Variants in STK26 observed in about 807,000 individuals in gnomAD.
STK26 encodes the protein serine/threonine kinase 26.
Under a neutral mutation model 34.7 loss-of-function variants are expected in STK26, and 14 were observed. The observed-to-expected ratio is 0.40, with a 90% CI of 0.27 to 0.63. The LOEUF is 0.63. Among genes scored for constraint, STK26 ranks in the 30% least tolerant of loss-of-function variants. The pLI is 0.38. For synonymous variants in STK26, 100 were observed against 109.8 expected, an observed-to-expected ratio of 0.91 and a Z score of 0.56; for missense variants, 226 against 309.1, an observed-to-expected ratio of 0.73 and a Z score of 2.02.
chrX:132,032,990 C>T (rs1012000286), intron 2 of STK26, among the ~76,000 whole-genome samples: 1 of 111,227 alleles, frequency 9.0e-6, no homozygotes, highest in Non-Finnish European at 1.9e-5. Flanking sequence ...CTTTTTAACC[C>T]TTCTTCCCAC....
rs755403402 is a variant in STK26, at chrX:132,037,769, C to CTTTTTTTTTTTT, written c.42+14122_42+14133dup. On this transcript the variant is annotated intron_variant, in intron 2 of 11. Coordinates refer to ENST00000394334, the MANE Select transcript of STK26 (RefSeq NM_016542.4). ...ACAAAGTCTTGTAACCGGAGAGCTG[C>CTTTTTTTTTTTT]TTTTTTTTTTTTTTTTTTTTTTTAA... Among the ~76,000 whole-genome samples, 122 of 51,836 alleles carry CTTTTTTTTTTTT rather than the reference C, an allele frequency of 2.4e-3. 5 individuals carry two copies. The highest frequency in any genetic ancestry group is 0.01 in the African/African-American group (114 of 11,356). The allele number at this position is 51,836 out of a possible 115,157, so 45.0% of individuals were successfully genotyped here.
At chrX:132,055,665 G>T (rs750720436) in intron 3 of STK26, 29 of 494,421 alleles carry the variant, frequency 5.9e-5, no homozygotes, top group Non-Finnish European at 8.7e-5. Flanking sequence ...AATTAAAATT[G>T]TTTATCCTTG....
At chrX:132,053,528 A>G (rs750014497) in intron 2 of STK26, among the ~76,000 whole-genome samples, 17 of 111,983 alleles carry the variant, frequency 1.5e-4, no homozygotes, top group East Asian at 1.4e-3. Context: ...GATAAAAGGG[A>G]CATGCTAACT....
intron 2 of STK26, among the ~76,000 whole-genome samples, chrX:132,037,875 A>G (rs1475938066): frequency 1.9e-5 from 2 of 107,062 alleles, no homozygotes; most frequent in African/African-American, 6.9e-5. Context: ...AAGGGCACAC[A>G]AAATGAAAAC....
At chrX:132,031,967 G>C (rs1231803746) in intron 2 of STK26, among the ~76,000 whole-genome samples, 2 of 111,165 alleles carry the variant, frequency 1.8e-5, no homozygotes, top group Non-Finnish European at 3.8e-5. Context: ...ATATGACTTA[G>C]GAAAATCACC....
intron 2 of STK26, among the ~76,000 whole-genome samples, chrX:132,040,143 A>G (rs1926208338): frequency 8.9e-6 from 1 of 112,587 alleles, no homozygotes; most frequent in Admixed American, 9.4e-5. Context: ...GATGTGACAG[A>G]GACTCAGAGA....
At chrX:132,051,736 A>G (rs1480463642) in intron 2 of STK26, among the ~76,000 whole-genome samples, 3 of 110,084 alleles carry the variant, frequency 2.7e-5, no homozygotes, top group Non-Finnish European at 5.7e-5. Context: ...TGCTAATACT[A>G]TCCCCCCCAA....
intron 3 of STK26, 105 bp downstream of exon 3, chrX:132,054,966 A>G: frequency 2.8e-6 from 2 of 705,242 alleles, no homozygotes; most frequent in Non-Finnish European, 4.1e-6. Context: ...TTGGCAGTCT[A>G]TGGCTTCCAG....
chrX:132,037,763 G>T (rs1926105978), intron 2 of STK26, among the ~76,000 whole-genome samples: 1 of 75,325 alleles, frequency 1.3e-5, no homozygotes, highest in South Asian at 5.8e-4. Flanking sequence ...TGTAACCGGA[G>T]AGCTGCTTTT....
intron 2 of STK26, among the ~76,000 whole-genome samples, chrX:132,029,874 C>G (rs1303718505): frequency 9.0e-6 from 1 of 111,398 alleles, no homozygotes; most frequent in Non-Finnish European, 1.9e-5. Flanking sequence ...CTTAGATTTT[C>G]TCTAATTATA....
intron 2 of STK26, among the ~76,000 whole-genome samples, chrX:132,026,024 C>T (rs1224504232): frequency 9.0e-6 from 1 of 111,357 alleles, no homozygotes; most frequent in African/African-American, 3.3e-5. Context: ...GTGAGGTAGC[C>T]GACCAGCCTA....
At chrX:132,061,069 C>T (rs1350804913) in intron 3 of STK26, among the ~76,000 whole-genome samples, 1 of 112,206 alleles carries the variant, frequency 8.9e-6, no homozygotes, top group Non-Finnish European at 1.9e-5. Context: ...TGGCAAGTTT[C>T]TGTTTTGAAT....
At chrX:132,043,515 A>G (rs773010010) in intron 2 of STK26, among the ~76,000 whole-genome samples, 1 of 111,664 alleles carries the variant, frequency 9.0e-6, no homozygotes, top group African/African-American at 3.3e-5. Context: ...CTTGTTATCA[A>G]TCCCAGGCCA....
intron 2 of STK26, among the ~76,000 whole-genome samples, chrX:132,052,594 A>G (rs759867041): frequency 1.8e-5 from 2 of 112,185 alleles, no homozygotes; most frequent in East Asian, 5.6e-4. Flanking sequence ...TTTGATTTAC[A>G]TATTTGCAAG....
Position 132,075,384 on chromosome X carries a change from T to A in STK26, c.*1225T>A, listed in dbSNP as rs1191618672. 1 of 111,641 alleles carries A rather than the reference T, an allele frequency of 9.0e-6. No homozygotes were observed. Among genetic ancestry groups the A allele is most frequent in the Non-Finnish European group, 1.9e-5 (1 of 52,979 alleles). 9.2% of individuals were successfully genotyped at this position (111,641 alleles called of 1,213,427 possible). A position where few individuals can be genotyped will look rare whatever the true frequency, so the allele number is the denominator to read the frequency against. Reference sequence around the variant, plus strand: ...ATTATTGATATTTAGTTTTGATAGCTAATGTTTAATTGTTTGGATCTGCAC... The same window carrying A: ...ATTATTGATATTTAGTTTTGATAGCAAATGTTTAATTGTTTGGATCTGCAC... On this transcript the variant is annotated 3_prime_UTR_variant, in exon 12 of 12. Coordinates refer to ENST00000394334, the MANE Select transcript of STK26 (RefSeq NM_016542.4).
At chrX:132,069,252 A>G (rs1347235736) in intron 6 of STK26, among the ~76,000 whole-genome samples, 2 of 106,589 alleles carry the variant, frequency 1.9e-5, no homozygotes, top group African/African-American at 3.4e-5. Context: ...GGCACAAAGT[A>G]TGGAATTCAT....
intron 3 of STK26, among the ~76,000 whole-genome samples, chrX:132,057,257 G>A (rs1231821118): frequency 9.0e-6 from 1 of 111,244 alleles, no homozygotes; most frequent in Non-Finnish European, 1.9e-5. Context: ...TATTCCTCTT[G>A]GGGTTCCCTG....
chrX:132,040,372 A>G (rs1039841161), intron 2 of STK26, among the ~76,000 whole-genome samples: 1 of 112,531 alleles, frequency 8.9e-6, no homozygotes, highest in African/African-American at 3.2e-5. Flanking sequence ...TATTGGTTCC[A>G]TTATTGTGAT....
intron 9 of STK26, 96 bp from the exon 10 acceptor site, chrX:132,072,717 G>A: frequency 1.1e-6 from 1 of 907,304 alleles, no homozygotes; most frequent in Non-Finnish European, 1.6e-6. Context: ...TTTGTTTTCA[G>A]TAGGGGATTC....
Sources: gnomAD v4.1 joint callset for allele counts (sites outside exome capture counted in the v4.1 genomes callset) on GRCh38, gnomAD v4.1.1 for gene constraint, MANE v1.5 for transcripts, NCBI Gene and HGNC (gene_info 2026-07-23, HGNC 2026-07-21) for gene names.